The following CHN2 variants were observed in gnomAD, a reference collection of about 807,000 sequenced individuals.
CHN2 encodes chimerin 2.
In CHN2, 35 loss-of-function variants were observed where a neutral mutation model predicts 56.3. The observed-to-expected ratio is 0.62, with a 90% CI of 0.47 to 0.82. The LOEUF is 0.82. CHN2 is among the 40% of genes least tolerant of loss of function. CHN2 has a pLI of 0.00. For synonymous variants in CHN2, 210 were observed against 212.8 expected, an observed-to-expected ratio of 0.99 and a Z score of 0.12; for missense variants, 491 against 580.5, an observed-to-expected ratio of 0.85 and a Z score of 1.58.
chr7:29,384,323 G>A (rs954866877), intron 3 of CHN2, among the ~76,000 whole-genome samples: 3 of 152,136 alleles, frequency 2.0e-5, no homozygotes, highest in Non-Finnish European at 4.4e-5. Flanking sequence ...ATGGGCTTTG[G>A]AGTCAATTAG....
At chr7:29,351,107 CA>C (rs55787771) in intron 1 of CHN2, among the ~76,000 whole-genome samples, 6,868 of 69,894 alleles carry the variant, frequency 0.098, 134 homozygotes, top group African/African-American at 0.16. Flanking sequence ...GACTCCATCT[CA>C]AAAAAAAAAA....
At chr7:29,211,960 A>G (rs1166774355) in intron 1 of CHN2, among the ~76,000 whole-genome samples, 1 of 152,196 alleles carries the variant, frequency 6.6e-6, no homozygotes, top group Non-Finnish European at 1.5e-5. Flanking sequence ...CTTACCATCC[A>G]ACTTCAACAA....
At chr7:29,324,493 G>GAT (rs1795645125) in intron 1 of CHN2, among the ~76,000 whole-genome samples, 1 of 152,124 alleles carries the variant, frequency 6.6e-6, no homozygotes, top group Admixed American at 6.6e-5. Flanking sequence ...TTTTCTCACT[G>GAT]ATAGAATTTT....
chr7:29,263,125 C>G (rs1403869205), intron 1 of CHN2, among the ~76,000 whole-genome samples: 1 of 152,190 alleles, frequency 6.6e-6, no homozygotes, highest in Non-Finnish European at 1.5e-5. Context: ...CTGCAGCCTC[C>G]CTGCCTGACT....
chr7:29,476,486 G>A (rs566572413), intron 6 of CHN2, among the ~76,000 whole-genome samples: 21 of 150,786 alleles, frequency 1.4e-4, no homozygotes, highest in African/African-American at 4.4e-4. Context: ...GCAGTGAGCC[G>A]AGATCGCGCC....
chr7:29,292,137 T>A (rs2128869931), intron 1 of CHN2, among the ~76,000 whole-genome samples: 1 of 152,318 alleles, frequency 6.6e-6, no homozygotes, highest in Non-Finnish European at 1.5e-5. Context: ...TACATACATT[T>A]AGTTATGGGA....
chr7:29,466,078 C>T (rs954533835), intron 6 of CHN2, among the ~76,000 whole-genome samples: 3 of 152,088 alleles, frequency 2.0e-5, no homozygotes, highest in Non-Finnish European at 4.4e-5. Context: ...GGGGGTGCAC[C>T]TGTATCCCAG....
Position 29,512,831 on chromosome 7 carries a change from G to T in CHN2, c.*96G>T. 1 of 1,390,238 alleles carries T rather than the reference G, an allele frequency of 7.2e-7. No individual in the cohort carries two copies. The allele number at this position is 1,390,238 out of a possible 1,614,324, so 86.1% of individuals were successfully genotyped here. A position where few individuals can be genotyped will look rare whatever the true frequency, so the allele number is the denominator to read the frequency against. ...TCTTACCACTTGATTTGTTTTCCAA[G>T]CAAGTGCTAGAATTTCCTGGACTGC... On this transcript the variant is annotated 3_prime_UTR_variant, in exon 13 of 13. Coordinates refer to ENST00000222792, the MANE Select transcript of CHN2 (RefSeq NM_004067.4).
intron 1 of CHN2, among the ~76,000 whole-genome samples, chr7:29,300,265 T>G (rs772053376): frequency 5.9e-5 from 9 of 151,892 alleles, no homozygotes; most frequent in Non-Finnish European, 1.3e-4. Flanking sequence ...ATAGACCAAA[T>G]GAGGTGTTGA....
At chr7:29,323,470 A>C (rs1462795124) in intron 1 of CHN2, among the ~76,000 whole-genome samples, 1 of 152,168 alleles carries the variant, frequency 6.6e-6, no homozygotes, top group African/African-American at 2.4e-5. Flanking sequence ...GCTTTGTCAT[A>C]CTTTACTGGA....
At chr7:29,468,323 G>A (rs891412896) in intron 6 of CHN2, among the ~76,000 whole-genome samples, 7 of 152,062 alleles carry the variant, frequency 4.6e-5, no homozygotes, top group South Asian at 2.1e-4. Flanking sequence ...CTGGCTCAGC[G>A]TTCTGTGGTG....
At chr7:29,430,481 G>C (rs900224908) in intron 6 of CHN2, among the ~76,000 whole-genome samples, 7 of 152,224 alleles carry the variant, frequency 4.6e-5, no homozygotes, top group Non-Finnish European at 1.0e-4. Flanking sequence ...ACAGCAAAAA[G>C]AAAGTGTTGC....
chr7:29,149,766 A>T (rs1030556825), intron 2 of CHN2, among the ~76,000 whole-genome samples: 1 of 152,044 alleles, frequency 6.6e-6, no homozygotes, highest in African/African-American at 2.4e-5. Flanking sequence ...TTGTGGCAGC[A>T]TCAACCCAAT....
chr7:29,473,356 G>A (rs1786272374), intron 6 of CHN2, among the ~76,000 whole-genome samples: 1 of 152,054 alleles, frequency 6.6e-6, no homozygotes, highest in Admixed American at 6.5e-5. Flanking sequence ...AATTCTAAGA[G>A]CACATTACAA....
intron 1 of CHN2, among the ~76,000 whole-genome samples, chr7:29,281,783 A>G (rs766620984): frequency 1.3e-5 from 2 of 152,182 alleles, no homozygotes; most frequent in Non-Finnish European, 2.9e-5. Context: ...ATTTTCCCCT[A>G]AGAGATATTT....
At chr7:29,294,087 C>G (rs1032285283) in intron 1 of CHN2, among the ~76,000 whole-genome samples, 2 of 152,008 alleles carry the variant, frequency 1.3e-5, no homozygotes, top group East Asian at 3.9e-4. Flanking sequence ...AGGATGGTCT[C>G]GATCTCCTGA....
At chr7:29,406,505 C>T (rs1229476412) in intron 6 of CHN2, among the ~76,000 whole-genome samples, 3 of 152,114 alleles carry the variant, frequency 2.0e-5, no homozygotes, top group African/African-American at 7.2e-5. Flanking sequence ...CTGTGGAGTC[C>T]AGTGCAGCTG....
intron 3 of CHN2, among the ~76,000 whole-genome samples, chr7:29,389,242 T>G (rs1238198068): frequency 6.6e-6 from 1 of 152,234 alleles, no homozygotes; most frequent in African/African-American, 2.4e-5. Flanking sequence ...CTTATGATCA[T>G]GCCTCGTTTT....
chr7:29,451,642 G>T (rs1241716252), intron 6 of CHN2, among the ~76,000 whole-genome samples: 1 of 152,096 alleles, frequency 6.6e-6, no homozygotes, highest in Non-Finnish European at 1.5e-5. Flanking sequence ...ATTTTAGGAA[G>T]CTGTATTTAT....
Sources: allele counts gnomAD v4.1 joint callset (sites outside exome capture counted in the v4.1 genomes callset), GRCh38; gene constraint gnomAD v4.1.1; transcripts MANE v1.5; gene names NCBI Gene and HGNC (gene_info 2026-07-23, HGNC 2026-07-21).